GUF1: variants seen among roughly 807,000 people sequenced by gnomAD.
GUF1 encodes the protein translation factor GUF1, mitochondrial.
In GUF1, 78 loss-of-function variants were observed where a neutral mutation model predicts 82.4. The ratio of observed to expected loss-of-function variants is 0.95; its 90% CI spans 0.79 to 1.14. The LOEUF is 1.14. Ranked by LOEUF, GUF1 falls within the 50% of genes most tolerant of loss-of-function variation. The probability of loss-of-function intolerance (pLI) is 0.00; values close to 1 mark genes in which losing one functional copy is unlikely to be tolerated. For synonymous variants in GUF1, 279 were observed against 282.3 expected, an observed-to-expected ratio of 0.99 and a Z score of 0.12; for missense variants, 814 against 798.2, an observed-to-expected ratio of 1.02 and a Z score of -0.24.
intron 9 of GUF1, 45 bp from the exon 10 acceptor site, chr4:44,689,241 G>A (rs1715260673): frequency 6.6e-7 from 1 of 1,509,476 alleles, no homozygotes; most frequent in African/African-American, 1.4e-5. Context: ...TGATAGGTCT[G>A]TAGGCAGCTT....
chr4:44,684,085 C>T (rs1372779071), intron 6 of GUF1, among the ~76,000 whole-genome samples: 1 of 152,014 alleles, frequency 6.6e-6, no homozygotes, highest in African/African-American at 2.4e-5. Flanking sequence ...ATAAGACAGA[C>T]AAGACCCCTT....
chr4:44,692,013 A>G (rs1715478388), intron 13 of GUF1, among the ~76,000 whole-genome samples: 5 of 151,940 alleles, frequency 3.3e-5, no homozygotes, highest in Admixed American at 3.3e-4. Context: ...TTGATTTATT[A>G]TCTAACTTTT....
At chr4:44,680,589 C>T (rs1030681953) in intron 2 of GUF1, 37 bp downstream of exon 2, 5 of 1,468,392 alleles carry the variant, frequency 3.4e-6, no homozygotes, top group African/African-American at 1.4e-5. Context: ...CTGATGGCTG[C>T]GAGTTATTGG....
At position 44,689,272 on chromosome 4, in the gene GUF1, C is replaced by T. The variant is rs372102383; in HGVS notation, c.1079-14C>T. ...AGCTTATCACGTGATAATTAGAAAT[C>T]ATTGTATCCCCAGGAATGTATCCTC... On this transcript the variant is annotated splice_polypyrimidine_tract_variant and intron_variant, in intron 9 of 16. Coordinates refer to ENST00000281543, the MANE Select transcript of GUF1 (RefSeq NM_021927.3). 1 of 1,558,252 alleles carries T rather than the reference C, an allele frequency of 6.4e-7. No homozygotes were observed. Among genetic ancestry groups the T allele is most frequent in the African/African-American group, 1.4e-5 (1 of 72,234 alleles).
chr4:44,697,595 G>A, intron 16 of GUF1, 151 bp downstream of exon 16: 1 of 412,790 alleles, frequency 2.4e-6, no homozygotes, highest in Non-Finnish European at 4.4e-6. Flanking sequence ...CTTGACCATG[G>A]CAACCTGTTC....
At chr4:44,683,414 G>A (rs1714882950) in intron 6 of GUF1, 96 bp downstream of exon 6, 4 of 642,086 alleles carry the variant, frequency 6.2e-6, no homozygotes, top group Non-Finnish European at 1.1e-5. Context: ...GGCATTATAT[G>A]CTGTTTTTTA....
In GUF1 at chr4:44,699,399, G is replaced by T. The variant is rs1308300248; in HGVS notation, c.*718G>T. On this transcript the variant is annotated 3_prime_UTR_variant, in exon 17 of 17. Coordinates refer to ENST00000281543, the MANE Select transcript of GUF1 (RefSeq NM_021927.3). The stretch of plus-strand genomic sequence containing the variant: ...GGGTTTCACCATGTTGGCCAGGCTG[G>T]TCTTGAACTCCTGACCTCGTGATCC... 6.6e-6 allele frequency: 1 copy of T among 152,170 alleles called. No homozygotes were observed. The allele number at this position is 152,170 out of a possible 1,614,324, so 9.4% of individuals were successfully genotyped here.
rs779313465 is a variant in GUF1 at position 44,697,422 on chromosome 4, G to C, written c.1850G>C (p.Arg617Thr). The C allele has an allele frequency of 1.3e-6, 2 of 1,563,284 alleles. No homozygotes were observed. Among genetic ancestry groups the C allele is most frequent in the Admixed American group, 1.8e-5 (1 of 56,386 alleles). Reference sequence around the variant, plus strand: ...CTCTTTTACAGTGTGAAAGCCTATAGGAAAAACGTTTTGGCAAAATGTGTA... The same window carrying C: ...CTCTTTTACAGTGTGAAAGCCTATACGAAAAACGTTTTGGCAAAATGTGTA... ...IIARETVKAY[R>T]KNVLAKCYGG... The change falls in exon 16 of 17, where the codon AGG (arginine) becomes ACG (threonine). Residue 617 changes from arginine to threonine, a missense_variant. Coordinates refer to ENST00000281543, the MANE Select transcript of GUF1 (RefSeq NM_021927.3).
At chr4:44,681,652 A>T (rs538105540) in intron 4 of GUF1, among the ~76,000 whole-genome samples, 2 of 152,276 alleles carry the variant, frequency 1.3e-5, no homozygotes, top group South Asian at 4.1e-4. Flanking sequence ...TTTGTTGTGT[A>T]AGCCGTAAAG....
At chr4:44,697,524 C>A in intron 16 of GUF1, 80 bp downstream of exon 16, 1 of 695,956 alleles carries the variant, frequency 1.4e-6, no homozygotes, top group Non-Finnish European at 2.3e-6. Context: ...TATTGATTTC[C>A]ATTGTTGGTT....
chr4:44,697,044 G>T (rs62305381), intron 15 of GUF1, among the ~76,000 whole-genome samples: 5,105 of 152,208 alleles, frequency 0.034, 126 homozygotes, highest in Middle Eastern at 0.051. Context: ...TTTTTCTGAA[G>T]TAGTAGTGTT....
At chr4:44,687,913 T>C (rs1382395558) in intron 8 of GUF1, 94 bp from the exon 9 acceptor site, 7 of 1,107,218 alleles carry the variant, frequency 6.3e-6, no homozygotes, top group Non-Finnish European at 6.6e-6. Context: ...GTTTGGAAAG[T>C]GTATGATAGT....
intron 12 of GUF1, 69 bp from the exon 13 acceptor site, chr4:44,691,597 G>C: frequency 8.2e-7 from 1 of 1,215,398 alleles, no homozygotes; most frequent in South Asian, 1.4e-5. Flanking sequence ...TAGACCTTTA[G>C]AGAAATACAT....
intron 9 of GUF1, 96 bp from the exon 10 acceptor site, chr4:44,689,189 TA>T (rs3215027): frequency 0.58 from 630,456 of 1,084,604 alleles, 188,122 homozygotes; most frequent in Non-Finnish European, 0.62. Context: ...ATTTAAAAGG[TA>T]AATGACTAAT....
At chr4:44,680,938 C>A in intron 3 of GUF1, 96 bp downstream of exon 3, 1 of 1,190,168 alleles carries the variant, frequency 8.4e-7, no homozygotes, top group Non-Finnish European at 1.2e-6. Flanking sequence ...GAGTATTAAA[C>A]ATCTGCCTTT....
intron 16 of GUF1, among the ~76,000 whole-genome samples, chr4:44,698,023 G>A (rs1483544096): frequency 6.6e-6 from 1 of 152,086 alleles, no homozygotes; most frequent in Admixed American, 6.5e-5. Flanking sequence ...GTGCATGCCT[G>A]TGATCTCAGT....
chr4:44,684,724 C>T (rs1040904558), intron 6 of GUF1, among the ~76,000 whole-genome samples: 3 of 152,060 alleles, frequency 2.0e-5, no homozygotes, highest in Admixed American at 6.6e-5. Context: ...CTAAACTGAG[C>T]ACTGTCTACA....
chr4:44,681,169 G>T lies in GUF1; in HGVS notation c.473G>T (p.Cys158Phe). ...SYEVSRSLSA[C>F]QGVLLVVDAN... ...GAAGTATCCAGGTCACTTTCTGCTT[G>T]CCAGGGTGTTTTACTTGTGGTTGAT... Residue 158 changes from cysteine (C) to phenylalanine (F), a missense_variant, in exon 4 of 17, where the codon TGC becomes TTC. Physicochemically the swap from Cys to Phe is radical, Grantham distance 205 (BLOSUM62 -2). Transcript: ENST00000281543. 1 of 1,613,002 alleles carries T rather than the reference G, an allele frequency of 6.2e-7. No individual in the cohort carries two copies. The highest frequency in any genetic ancestry group is 1.1e-5 in the South Asian group (1 of 91,044).
intron 6 of GUF1, among the ~76,000 whole-genome samples, chr4:44,684,282 G>A (rs770968298): frequency 2.0e-5 from 3 of 152,064 alleles, no homozygotes; most frequent in African/African-American, 7.2e-5. Flanking sequence ...TAGCAAAAGC[G>A]TCTCTGATAA....
Sources: gnomAD v4.1 joint callset for allele counts (sites outside exome capture counted in the v4.1 genomes callset) on GRCh38, gnomAD v4.1.1 for gene constraint, MANE v1.5 for transcripts, NCBI Gene and HGNC (gene_info 2026-07-23, HGNC 2026-07-21) for gene names.